ERBB4: variants seen among roughly 807,000 people sequenced by gnomAD.
ERBB4 encodes erb-b2 receptor tyrosine kinase 4.
ERBB4 carries 42 observed loss-of-function variants against 158.0 expected under a neutral mutation model. That is an observed-to-expected ratio of 0.27 (90% CI 0.21 to 0.34). The LOEUF is 0.34. Among genes scored for constraint, ERBB4 ranks in the 10% least tolerant of loss-of-function variants. ERBB4 has a pLI of 1.00. For synonymous variants in ERBB4, 583 were observed against 558.7 expected (o/e 1.04, Z -0.61); for missense variants, 1,333 against 1,624.1 (o/e 0.82, Z 3.08).
chr2:212,051,367 A>G (rs964495297), intron 2 of ERBB4, among the ~76,000 whole-genome samples: 1 of 152,176 alleles, frequency 6.6e-6, no homozygotes, highest in Non-Finnish European at 1.5e-5. Flanking sequence ...AAGTGACATG[A>G]GAGGAAATTG....
chr2:211,424,040 AT>A, intron 23 of ERBB4, 114 bp downstream of exon 23: 1 of 1,033,162 alleles, frequency 9.7e-7, no homozygotes, highest in East Asian at 2.4e-5. Context: ...TCCTTTCATA[AT>A]TGTTTTTGAA....
chr2:211,587,544 C>A (rs888830197), intron 19 of ERBB4, among the ~76,000 whole-genome samples: 3 of 152,030 alleles, frequency 2.0e-5, no homozygotes, highest in Non-Finnish European at 4.4e-5. Flanking sequence ...AAGGAAGGAT[C>A]CTCCCCTAGA....
At chr2:212,217,223 A>T (rs1405442746) in intron 1 of ERBB4, among the ~76,000 whole-genome samples, 2 of 151,382 alleles carry the variant, frequency 1.3e-5, no homozygotes, top group African/African-American at 2.4e-5. Context: ...CAAGCCCTAT[A>T]TCACAATTTA....
chr2:211,633,389 G>C (rs1481556914), intron 16 of ERBB4, among the ~76,000 whole-genome samples: 2 of 151,216 alleles, frequency 1.3e-5, no homozygotes, highest in Admixed American at 1.3e-4. Flanking sequence ...CAGATGCATA[G>C]ATCTGGAATA....
chr2:211,971,958 G>A (rs2081466384), intron 2 of ERBB4, among the ~76,000 whole-genome samples: 1 of 152,064 alleles, frequency 6.6e-6, no homozygotes, highest in African/African-American at 2.4e-5. Flanking sequence ...CAAATAGAAA[G>A]AGAGGAAGTC....
chr2:211,545,634 C>T (rs2066921613), intron 20 of ERBB4, among the ~76,000 whole-genome samples: 1 of 152,018 alleles, frequency 6.6e-6, no homozygotes, highest in African/African-American at 2.4e-5. Flanking sequence ...TGGCTTAAAG[C>T]TTGTGTACTA....
At chr2:211,941,800 A>G (rs749991065) in intron 3 of ERBB4, among the ~76,000 whole-genome samples, 1 of 151,866 alleles carries the variant, frequency 6.6e-6, no homozygotes, top group African/African-American at 2.4e-5. Context: ...CGCAGAAACA[A>G]ATACAATAGT....
intron 3 of ERBB4, among the ~76,000 whole-genome samples, chr2:211,852,141 T>A (rs949612766): frequency 3.3e-5 from 5 of 151,950 alleles, no homozygotes; most frequent in Non-Finnish European, 5.9e-5. Context: ...GCTTCCAATA[T>A]CTTCAAATTT....
intron 20 of ERBB4, among the ~76,000 whole-genome samples, chr2:211,436,733 C>T (rs1026256095): frequency 1.3e-5 from 2 of 152,160 alleles, no homozygotes; most frequent in African/African-American, 4.8e-5. Flanking sequence ...GATACATATA[C>T]TTATAACCTA....
chr2:211,567,308 G>C (rs1053264679), intron 19 of ERBB4, among the ~76,000 whole-genome samples: 1 of 152,068 alleles, frequency 6.6e-6, no homozygotes, highest in African/African-American at 2.4e-5. Context: ...TATGTTTTTA[G>C]CAAGACAGCC....
At chr2:211,804,006 T>C (rs942917340) in intron 3 of ERBB4, among the ~76,000 whole-genome samples, 8 of 152,178 alleles carry the variant, frequency 5.3e-5, no homozygotes, top group African/African-American at 1.9e-4. Context: ...TTTGTTGCAA[T>C]GGAGTAGAAT....
chr2:211,912,443 C>T lies in ERBB4; in HGVS notation c.421+34987G>A, dbSNP rs112994180. ...AGGTTAATAACTTGATTTAATCATA[C>T]CATACTGTATTCTTAAGCTATAACA... On this transcript the variant is annotated intron_variant, in intron 3 of 27. Coordinates refer to ENST00000342788, the MANE Select transcript of ERBB4 (RefSeq NM_005235.3). Among the ~76,000 whole-genome samples the T allele has an allele frequency of 6.5e-3, 985 of 151,902 alleles. 9 individuals are homozygous for T. The highest frequency in any genetic ancestry group is 0.023 in the African/African-American group (937 of 41,414).
At chr2:211,406,092 T>C (rs929465819) in intron 25 of ERBB4, among the ~76,000 whole-genome samples, 3 of 152,192 alleles carry the variant, frequency 2.0e-5, no homozygotes, top group Non-Finnish European at 4.4e-5. Flanking sequence ...AGAATTTTCT[T>C]ACTAGAAGCC....
chr2:211,388,070 A>C, intron 25 of ERBB4, 78 bp from the exon 26 acceptor site: 1 of 1,153,610 alleles, frequency 8.7e-7, no homozygotes, highest in Non-Finnish European at 1.3e-6. Flanking sequence ...GAAACGAAAA[A>C]GAAAAGCCAC....
chr2:211,447,499 A>G (rs1049353196), intron 20 of ERBB4, among the ~76,000 whole-genome samples: 3 of 152,214 alleles, frequency 2.0e-5, no homozygotes, highest in African/African-American at 7.2e-5. Flanking sequence ...ATATTCTAGT[A>G]GAAATGCCAT....
At chr2:211,639,959 G>A (rs1458689765) in intron 16 of ERBB4, among the ~76,000 whole-genome samples, 3 of 152,132 alleles carry the variant, frequency 2.0e-5, no homozygotes, top group South Asian at 2.1e-4. Context: ...CTGACCTCAG[G>A]TGATCTGCCC....
At chr2:212,075,336 A>G (rs2078243758) in intron 2 of ERBB4, among the ~76,000 whole-genome samples, 1 of 151,948 alleles carries the variant, frequency 6.6e-6, no homozygotes, top group African/African-American at 2.4e-5. Flanking sequence ...TTGGAATATA[A>G]TATTTAATAT....
At chr2:211,858,496 T>C (rs1269737361) in intron 3 of ERBB4, among the ~76,000 whole-genome samples, 2 of 152,220 alleles carry the variant, frequency 1.3e-5, no homozygotes, top group Non-Finnish European at 2.9e-5. Flanking sequence ...GACCATTTTG[T>C]ACTAGCTTAC....
At chr2:211,841,138 C>T (rs982868560) in intron 3 of ERBB4, among the ~76,000 whole-genome samples, 1 of 151,682 alleles carries the variant, frequency 6.6e-6, no homozygotes, top group Non-Finnish European at 1.5e-5. Flanking sequence ...TAGATAATTC[C>T]CTCCACAAAA....
Sources: gnomAD v4.1 joint callset for allele counts (sites outside exome capture counted in the v4.1 genomes callset) on GRCh38, gnomAD v4.1.1 for gene constraint, MANE v1.5 for transcripts, NCBI Gene and HGNC (gene_info 2026-07-23, HGNC 2026-07-21) for gene names.